Variants in SUSD1 observed in about 807,000 individuals in gnomAD.
SUSD1 encodes sushi domain containing 1.
In SUSD1, 65 loss-of-function variants were observed where a neutral mutation model predicts 86.9. That is an observed-to-expected ratio of 0.75 (90% confidence interval 0.61 to 0.92). SUSD1 has a LOEUF of 0.92. Ranked by LOEUF, SUSD1 falls within the 40% of genes least tolerant of loss-of-function variation. The pLI is 0.00. For missense variants in SUSD1, 850 were observed against 929.7 expected, an observed-to-expected ratio of 0.91 and a Z score of 1.11; for synonymous variants, 346 against 350.0, an observed-to-expected ratio of 0.99 and a Z score of 0.13.
intron 1 of SUSD1, chr9:112,173,968 C>A: frequency 4.0e-6 from 1 of 249,764 alleles, no homozygotes; most frequent in Non-Finnish European, 7.9e-6. Context: ...TTGGATTTGG[C>A]CATGTCTGCA....
chr9:112,125,715 A>C (rs1481067458), intron 5 of SUSD1, among the ~76,000 whole-genome samples: 1 of 152,250 alleles, frequency 6.6e-6, no homozygotes, highest in Non-Finnish European at 1.5e-5. Context: ...AACAGCATTC[A>C]AACTAGAGAA....
chr9:112,112,503 G>A (rs980245609), intron 7 of SUSD1, among the ~76,000 whole-genome samples: 12 of 152,088 alleles, frequency 7.9e-5, no homozygotes, highest in African/African-American at 2.9e-4. Context: ...AAGCATGGTA[G>A]TGCACACCTC....
intron 13 of SUSD1, 65 bp downstream of exon 13, chr9:112,062,872 A>G: frequency 8.7e-7 from 1 of 1,150,184 alleles, no homozygotes; most frequent in Admixed American, 1.9e-5. Context: ...CCTCACCAAA[A>G]TCAAAGTTTC....
chr9:112,142,180 C>T, intron 5 of SUSD1, 140 bp downstream of exon 5: 1 of 661,448 alleles, frequency 1.5e-6, no homozygotes, highest in Non-Finnish European at 2.4e-6. Context: ...AAGAAAATCA[C>T]CTGAAAATCT....
Position 112,078,610 on chromosome 9 carries a change from TGGTACCCGGACGTA to T in SUSD1, c.1667_1680del (p.Leu556GlnfsTer75), listed in dbSNP as rs765986884. ...AGAGCCCGGAGACTGACATTGTAGT[TGGTACCCGGACGTA>T]GGTCCAAGCACACCTCGGGATCTCG... On this transcript the variant is annotated frameshift_variant, in exon 12 of 17. Coordinates refer to ENST00000374270, the MANE Select transcript of SUSD1 (RefSeq NM_022486.5). LOFTEE classifies it high-confidence loss of function. The T allele has an allele frequency of 3.1e-6, 5 of 1,614,086 alleles. No individual in the cohort carries two copies. Among genetic ancestry groups the T allele is most frequent in the Non-Finnish European group, 3.4e-6 (4 of 1,179,950 alleles).
chr9:112,058,741 T>G, intron 13 of SUSD1, 55 bp from the exon 14 acceptor site: 1 of 1,582,816 alleles, frequency 6.3e-7, no homozygotes, highest in Non-Finnish European at 8.6e-7. Context: ...AGTTCATTCA[T>G]TCATTCATAT....
chr9:112,108,183 G>A (rs987300703), intron 8 of SUSD1, among the ~76,000 whole-genome samples: 6 of 152,154 alleles, frequency 3.9e-5, no homozygotes, highest in African/African-American at 1.4e-4. Flanking sequence ...TAAGGGTAAA[G>A]AGAACACATA....
At chr9:112,125,366 T>C (rs1238045566) in intron 5 of SUSD1, among the ~76,000 whole-genome samples, 2 of 152,130 alleles carry the variant, frequency 1.3e-5, no homozygotes, top group African/African-American at 2.4e-5. Context: ...TCAAATTATT[T>C]CAATAAAACC....
rs1217486634 is a variant in SUSD1, at chr9:112,041,391, C to G, written c.*101G>C. ...AGAAAGTTGCAGGCCCACATGCTCC[C>G]TGGACGGAAGTCACACGGAGCCTCT... On this transcript the variant is annotated 3_prime_UTR_variant, in exon 17 of 17. Transcript: ENST00000374270. 7.7e-6 allele frequency: 6 copies of G among 775,426 alleles called. No individual in the cohort carries two copies. In the African/African-American group the frequency reaches 1.0e-4, roughly 13 times the overall value. The allele number at this position is 775,426 out of a possible 1,614,324, so 48.0% of individuals were successfully genotyped here.
intron 10 of SUSD1, among the ~76,000 whole-genome samples, chr9:112,088,335 G>A (rs983707093): frequency 6.6e-6 from 1 of 152,230 alleles, no homozygotes; most frequent in Non-Finnish European, 1.5e-5. Flanking sequence ...AGGCGGAAGA[G>A]TGATATATAA....
intron 6 of SUSD1, among the ~76,000 whole-genome samples, chr9:112,122,979 T>G (rs756100333): frequency 3.3e-5 from 5 of 152,210 alleles, no homozygotes; most frequent in Non-Finnish European, 7.4e-5. Context: ...GGGGAGTTGT[T>G]GTTTAATGGG....
chr9:112,072,585 G>A (rs763316810), intron 12 of SUSD1, among the ~76,000 whole-genome samples: 1 of 152,098 alleles, frequency 6.6e-6, no homozygotes, highest in Non-Finnish European at 1.5e-5. Flanking sequence ...TCTCATGCAC[G>A]TTTTATAAAA....
At chr9:112,115,214 C>A (rs1831262339) in intron 6 of SUSD1, among the ~76,000 whole-genome samples, 1 of 152,166 alleles carries the variant, frequency 6.6e-6, no homozygotes, top group African/African-American at 2.4e-5. Context: ...TACTCAGAAC[C>A]AATGCTAGCT....
intron 2 of SUSD1, among the ~76,000 whole-genome samples, chr9:112,152,984 G>GGCCA (rs1404258980): frequency 6.6e-6 from 1 of 151,902 alleles, no homozygotes; most frequent in Non-Finnish European, 1.5e-5. Context: ...CTCAGACACA[G>GGCCA]GCCAGGCACA....
chr9:112,112,209 A>G (rs571185486), intron 7 of SUSD1: 3 of 190,926 alleles, frequency 1.6e-5, no homozygotes, highest in Middle Eastern at 2.1e-3. Flanking sequence ...GATGCCAAAT[A>G]TAAATGCATC....
rs1025880727 is a variant in SUSD1, at chr9:112,063,153, T to C, written c.1754-120A>G. 7 of 583,128 alleles carry C rather than the reference T, an allele frequency of 1.2e-5. No individual in the cohort carries two copies. The African/African-American group carries it at 1.3e-4, about 11-fold the overall frequency. The allele number at this position is 583,128 out of a possible 1,614,324, so 36.1% of individuals were successfully genotyped here. ...TTTAATTTCAGAAGCGAGGAGCCTA[T>C]TCTGTACATGCCACAATGTGGAAGA... On this transcript the variant is annotated intron_variant, in intron 12 of 16. Transcript: ENST00000374270.
intron 6 of SUSD1, among the ~76,000 whole-genome samples, chr9:112,117,017 G>T (rs909053349): frequency 1.3e-5 from 2 of 152,204 alleles, no homozygotes; most frequent in South Asian, 4.1e-4. Context: ...GTGCACACCT[G>T]TAATCCCAGC....
At chr9:112,165,557 G>T (rs1451164966) in intron 1 of SUSD1, among the ~76,000 whole-genome samples, 2 of 151,746 alleles carry the variant, frequency 1.3e-5, no homozygotes, top group African/African-American at 4.8e-5. Flanking sequence ...CCACAGGTGT[G>T]CACCACCACA....
rs1350004214 is a variant in SUSD1 at position 112,175,238 on chromosome 9, C to G, written c.-3G>C. ...GCATCCCAGGGCCCCCGGCCCATGC[C>G]GCCGCCGGTCCCTCCCGGCGCGCCC... On this transcript the variant is annotated 5_prime_UTR_variant, in exon 1 of 17. Transcript: ENST00000374270. This position sits in a 1 kb window ranked among gnomAD's most constrained non-coding sequence, Gnocchi z 4.7. 8.7e-7 allele frequency: 1 copy of G among 1,154,694 alleles called. No individual in the cohort carries two copies. The highest frequency in any genetic ancestry group is 4.1e-5 in the East Asian group (1 of 24,418). The allele number at this position is 1,154,694 out of a possible 1,614,324, so 71.5% of individuals were successfully genotyped here.
Sources: allele counts gnomAD v4.1 joint callset (sites outside exome capture counted in the v4.1 genomes callset), GRCh38; gene constraint gnomAD v4.1.1; non-coding constraint Gnocchi (gnomAD v3.1); transcripts MANE v1.5; gene names NCBI Gene and HGNC (gene_info 2026-07-23, HGNC 2026-07-21).